WHAMM: variants seen among roughly 807,000 people sequenced by gnomAD.
WHAMM encodes WASP homolog associated with actin, golgi membranes and microtubules, also known as WASP homolog-associated protein with actin, membranes and microtubules.
Under a neutral mutation model 76.5 loss-of-function variants are expected in WHAMM, and 67 were observed. That is an observed-to-expected ratio of 0.88 (90% CI 0.72 to 1.07). The LOEUF (loss-of-function observed/expected upper bound fraction) is 1.07. WHAMM is among the 50% of genes least tolerant of loss of function. The pLI, the probability that WHAMM is intolerant of heterozygous loss-of-function variation, is 0.00. For synonymous variants in WHAMM, 419 were observed against 422.1 expected (o/e 0.99, Z 0.09); for missense variants, 1,021 against 1,051.1 (o/e 0.97, Z 0.40).
chr15:82,832,426 C>T (rs547616713), intron 9 of WHAMM, among the ~76,000 whole-genome samples: 2 of 152,242 alleles, frequency 1.3e-5, no homozygotes, highest in South Asian at 4.2e-4. Context: ...AATTAGTGGC[C>T]ACAGTCAGGC....
At chr15:82,823,079 C>T (rs1434391646) in intron 5 of WHAMM, 21 bp from the exon 6 acceptor site, 1 of 1,283,920 alleles carries the variant, frequency 7.8e-7, no homozygotes, top group Non-Finnish European at 1.0e-6. Context: ...ATGTTTTAAA[C>T]AATCATTAAT....
intron 7 of WHAMM, 124 bp downstream of exon 7, chr15:82,826,620 C>T: frequency 6.3e-7 from 1 of 1,577,348 alleles, no homozygotes; most frequent in Non-Finnish European, 8.6e-7. Flanking sequence ...TCCAGGTCTG[C>T]AGCCTGGGCG....
chr15:82,831,948 C>G (rs1324314467), intron 9 of WHAMM, among the ~76,000 whole-genome samples: 1 of 152,226 alleles, frequency 6.6e-6, no homozygotes, highest in Non-Finnish European at 1.5e-5. Context: ...ATTGAGCAAT[C>G]TGGCTATTCT....
chr15:82,822,528 C>T (rs2050845693), intron 5 of WHAMM, among the ~76,000 whole-genome samples: 1 of 152,214 alleles, frequency 6.6e-6, no homozygotes. Context: ...ACCTCTGCCT[C>T]CCAGGTTCAT....
chr15:82,813,481 C>A (rs1408429358), intron 2 of WHAMM, among the ~76,000 whole-genome samples: 1 of 152,004 alleles, frequency 6.6e-6, no homozygotes, highest in East Asian at 1.9e-4. Flanking sequence ...AGTCTGTCCA[C>A]CTTGGCCTCC....
chr15:82,813,360 T>G (rs2050662308), intron 2 of WHAMM, 84 bp downstream of exon 2: 1 of 1,191,504 alleles, frequency 8.4e-7, no homozygotes, highest in Admixed American at 3.4e-5. Flanking sequence ...GTTCAATCTC[T>G]GTTTGTACTT....
intron 5 of WHAMM, among the ~76,000 whole-genome samples, chr15:82,820,692 C>G (rs1194705849): frequency 6.6e-6 from 1 of 151,948 alleles, no homozygotes; most frequent in African/African-American, 2.4e-5. Context: ...GTCAGGAGTT[C>G]AAGACCAGCT....
At chr15:82,827,445 T>A (rs1327470879) in intron 8 of WHAMM, among the ~76,000 whole-genome samples, 1 of 152,172 alleles carries the variant, frequency 6.6e-6, no homozygotes, top group Admixed American at 6.5e-5. Flanking sequence ...TTATTAGAGA[T>A]AAATTCCTTT....
chr15:82,825,528 G>A (rs1328462022), intron 6 of WHAMM, among the ~76,000 whole-genome samples: 1 of 152,166 alleles, frequency 6.6e-6, no homozygotes. Flanking sequence ...GGTAGTTGAG[G>A]TGAGCTATCA....
rs773443880 is a variant in WHAMM, at chr15:82,814,766, CTTTTTTTTTTT to C, written c.783+1501_783+1511del. ...CACACCCAGCCTATATTTTTCCTTT[CTTTTTTTTTTT>C]TTTTTTTTTTGAGACAGAGTCTCGC... On this transcript the variant is annotated intron_variant, in intron 2 of 9. Coordinates refer to ENST00000286760, the MANE Select transcript of WHAMM (RefSeq NM_001080435.3). 7.4e-5 allele frequency among the ~76,000 whole-genome samples: 7 copies of C among 94,774 alleles called. No homozygotes were observed. In the South Asian group the frequency reaches 2.0e-3, roughly 27 times the overall value. 62.2% of individuals were successfully genotyped at this position (94,774 alleles called of 152,430 possible). A position where few individuals can be genotyped will look rare whatever the true frequency, so the allele number is the denominator to read the frequency against.
chr15:82,825,681 G>A (rs941719208), intron 6 of WHAMM, among the ~76,000 whole-genome samples: 6 of 151,984 alleles, frequency 3.9e-5, no homozygotes, highest in African/African-American at 1.4e-4. Flanking sequence ...CCAGCTACTC[G>A]GGAGGCTGAG....
In WHAMM at chr15:82,810,089, T is replaced by C; in HGVS notation, c.363T>C (p.Gly121=). The change falls in exon 1 of 10, where the codon GGT becomes GGC. Residue 121 remains glycine (G), a synonymous_variant. Transcript: ENST00000286760. Reference sequence around the variant, plus strand: ...ACGTGGGCGGCGGCGGGGCCTGGGGTCTGGGGCTCGGGCTGTGGGCGCTGC... The same window carrying C: ...ACGTGGGCGGCGGCGGGGCCTGGGGCCTGGGGCTCGGGCTGTGGGCGCTGC... ...ELDVGGGGAW[G]LGLGLWALLW... is the part of the protein sequence containing the mutation. 2 of 1,253,070 alleles carry C rather than the reference T, an allele frequency of 1.6e-6. No individual in the cohort carries two copies. The highest frequency in any genetic ancestry group is 2.0e-6 in the Non-Finnish European group (2 of 999,666). 77.6% of individuals were successfully genotyped at this position (1,253,070 alleles called of 1,614,324 possible).
chr15:82,831,324 T>C (rs1380732484), intron 9 of WHAMM, among the ~76,000 whole-genome samples: 1 of 152,242 alleles, frequency 6.6e-6, no homozygotes, highest in East Asian at 1.9e-4. Context: ...CATTTAATGA[T>C]CGCATGACTT....
Position 82,833,684 on chromosome 15 carries a change from G to A in WHAMM, c.*148G>A, listed in dbSNP as rs1233825273. On this transcript the variant is annotated 3_prime_UTR_variant, in exon 10 of 10. Transcript: ENST00000286760. ...GCAGGGCCTTGTGTAGGCTGCTGCA[G>A]CATTTTTTTTTTTTTTCTTTTTTGA... 2.9e-5 allele frequency: 25 copies of A among 857,342 alleles called. No homozygotes were observed. The East Asian group carries it at 6.8e-4, about 23-fold the overall frequency. The allele number at this position is 857,342 out of a possible 1,614,324, so 53.1% of individuals were successfully genotyped here. A position where few individuals can be genotyped will look rare whatever the true frequency, so the allele number is the denominator to read the frequency against.
rs754611991 is a variant in WHAMM, at chr15:82,816,858, A to G, written c.934+16A>G. 45 of 1,549,404 alleles carry G rather than the reference A, an allele frequency of 2.9e-5. No homozygotes were observed. The South Asian group carries it at 5.3e-4, about 18-fold the overall frequency. ...GCATTAGCAGGTGATAATTTAAAAA[A>G]TGCTATATGAAGATACATGTAATTG... On this transcript the variant is annotated intron_variant, in intron 3 of 9. Coordinates refer to ENST00000286760, the MANE Select transcript of WHAMM (RefSeq NM_001080435.3).
Position 82,823,113 on chromosome 15 carries a change from A to G in WHAMM, c.1284A>G (p.Glu428=). The change falls in exon 6 of 10, where the codon GAA becomes GAG. Residue 428 remains glutamate, a synonymous_variant. Transcript: ENST00000286760. ...LKRLIKEKQD[E]VVYYDPCENP... ...ATACATTTTTAGAAAAACAAGATGA[A>G]GTTGTCTATTACGATCCATGTGAAA... is the stretch of plus-strand genomic sequence containing the variant. 1.3e-5 allele frequency: 18 copies of G among 1,351,280 alleles called. No individual in the cohort carries two copies. The highest frequency in any genetic ancestry group is 1.6e-5 in the Non-Finnish European group (17 of 1,038,534). 83.7% of individuals were successfully genotyped at this position (1,351,280 alleles called of 1,614,324 possible).
At chr15:82,829,925 A>G (rs2050998614) in intron 8 of WHAMM, among the ~76,000 whole-genome samples, 1 of 152,170 alleles carries the variant, frequency 6.6e-6, no homozygotes, top group South Asian at 2.1e-4. Context: ...AGGTTTTTCT[A>G]TATCAAATGA....
chr15:82,831,134 A>G, intron 9 of WHAMM, 55 bp downstream of exon 9: 2 of 1,558,808 alleles, frequency 1.3e-6, no homozygotes, highest in Non-Finnish European at 1.7e-6. Flanking sequence ...CTGTTGAAGC[A>G]TTCTAGCTTC....
intron 3 of WHAMM, among the ~76,000 whole-genome samples, chr15:82,817,589 T>G (rs1406695701): frequency 6.6e-6 from 1 of 152,176 alleles, no homozygotes; most frequent in African/African-American, 2.4e-5. Context: ...GAAAGCAGAA[T>G]GATGATCCTG....
Sources: gnomAD v4.1 joint callset for allele counts (sites outside exome capture counted in the v4.1 genomes callset) on GRCh38, gnomAD v4.1.1 for gene constraint, MANE v1.5 for transcripts, NCBI Gene and HGNC (gene_info 2026-07-23, HGNC 2026-07-21) for gene names.